Variants in ITPR2 observed in about 807,000 individuals in gnomAD.
ITPR2 encodes the protein inositol 1,4,5-trisphosphate receptor type 2.
ITPR2 carries 207 observed loss-of-function variants against 317.1 expected under a neutral mutation model. The observed-to-expected ratio is 0.65, with a 90% CI of 0.58 to 0.73. The LOEUF (loss-of-function observed/expected upper bound fraction) is 0.73, where lower values mean the gene tolerates loss of function less well. ITPR2 is among the 30% of genes least tolerant of loss of function. The probability of loss-of-function intolerance (pLI) is 0.00; values close to 1 mark genes in which losing one functional copy is unlikely to be tolerated. For missense variants in ITPR2, 2,613 were observed against 3,284.0 expected, an observed-to-expected ratio of 0.80 and a Z score of 4.99; for synonymous variants, 1,156 against 1,149.1, an observed-to-expected ratio of 1.01 and a Z score of -0.12.
Position 26,415,197 on chromosome 12 carries a change from A to C in ITPR2, c.7306+106T>G. Reference sequence around the variant, plus strand: ...AACAAAACATATTCTCAAAGGAATAAAAGAAAACATTTCCTCTATTCGTGT... The same window carrying C: ...AACAAAACATATTCTCAAAGGAATACAAGAAAACATTTCCTCTATTCGTGT... On this transcript the variant is annotated intron_variant, in intron 51 of 56. Coordinates refer to ENST00000381340, the MANE Select transcript of ITPR2 (RefSeq NM_002223.4). 4.0e-6 allele frequency: 3 copies of C among 748,222 alleles called. No individual in the cohort carries two copies. In the Admixed American group the frequency reaches 8.5e-5, roughly 21 times the overall value. 46.3% of individuals were successfully genotyped at this position (748,222 alleles called of 1,614,324 possible). A position where few individuals can be genotyped will look rare whatever the true frequency, so the allele number is the denominator to read the frequency against.
rs193145513 is a variant in ITPR2 at position 26,398,949 on chromosome 12, G to T, written c.7623C>A (p.Ile2541=). The change falls in exon 54 of 57, where the codon ATC becomes ATA. Residue 2541 remains isoleucine, a synonymous_variant. Transcript: ENST00000381340. ...CGCTTCTGAGATCAGCAAAAGTATC[G>T]ATGATAACACCAAAAATCAAGTTCA... ...IVLNLIFGVI[I]DTFADLRSEK... 1 of 1,610,166 alleles carries T rather than the reference G, an allele frequency of 6.2e-7. No homozygotes were observed. Among genetic ancestry groups the T allele is most frequent in the East Asian group, 2.2e-5 (1 of 44,728 alleles).
At chr12:26,693,542 A>T (rs144825698) in intron 10 of ITPR2, among the ~76,000 whole-genome samples, 1 of 152,222 alleles carries the variant, frequency 6.6e-6, no homozygotes, top group East Asian at 1.9e-4. Flanking sequence ...ATCCTCCTAT[A>T]TACTTTAAAT....
intron 1 of ITPR2, among the ~76,000 whole-genome samples, chr12:26,826,585 T>G (rs1429554360): frequency 6.6e-6 from 1 of 152,294 alleles, no homozygotes; most frequent in East Asian, 1.9e-4. Flanking sequence ...TCACTCTGAC[T>G]AAGAGACTAT....
intron 37 of ITPR2, among the ~76,000 whole-genome samples, chr12:26,510,925 C>G (rs781299904): frequency 6.6e-6 from 1 of 152,098 alleles, no homozygotes; most frequent in African/African-American, 2.4e-5. Context: ...GTTCACTAGA[C>G]GTGTTGGGGG....
At chr12:26,526,655 A>AAG (rs1943815578) in intron 37 of ITPR2, among the ~76,000 whole-genome samples, 1 of 152,216 alleles carries the variant, frequency 6.6e-6, no homozygotes, top group Non-Finnish European at 1.5e-5. Flanking sequence ...GAGGTTACAA[A>AAG]TACTGAAAGC....
rs981394804 is a variant in ITPR2, at chr12:26,831,008, G to A, written c.92+1682C>T. Reference sequence around the variant, plus strand: ...GGTCATAAGGTTTACAAGTGGAAGCGCCAGAATTCAAACCCCAAGTATTCT... The same window carrying A: ...GGTCATAAGGTTTACAAGTGGAAGCACCAGAATTCAAACCCCAAGTATTCT... On this transcript the variant is annotated intron_variant, in intron 1 of 56. Coordinates refer to ENST00000381340, the MANE Select transcript of ITPR2 (RefSeq NM_002223.4). This position sits in a 1 kb window ranked among gnomAD's most constrained non-coding sequence, Gnocchi z 4.9. 3.3e-5 allele frequency among the ~76,000 whole-genome samples: 5 copies of A among 152,184 alleles called. No homozygotes were observed. The highest frequency in any genetic ancestry group is 9.7e-5 in the African/African-American group (4 of 41,442).
At chr12:26,381,300 A>G (rs1340337737) in intron 55 of ITPR2, among the ~76,000 whole-genome samples, 3 of 152,236 alleles carry the variant, frequency 2.0e-5, no homozygotes, top group Non-Finnish European at 4.4e-5. Flanking sequence ...ATCTTGGTAT[A>G]TCTTTCTGTA....
intron 1 of ITPR2, among the ~76,000 whole-genome samples, chr12:26,807,362 T>C (rs896986197): frequency 1.3e-5 from 2 of 152,198 alleles, no homozygotes; most frequent in Admixed American, 1.3e-4. Flanking sequence ...ACAATACCCA[T>C]ACATTGCAAA....
At chr12:26,513,331 T>C (rs1943405657) in intron 37 of ITPR2, among the ~76,000 whole-genome samples, 1 of 152,206 alleles carries the variant, frequency 6.6e-6, no homozygotes, top group Non-Finnish European at 1.5e-5. Context: ...GCTTTTGCCA[T>C]GATACTAACA....
chr12:26,496,151 C>T (rs964303565), intron 37 of ITPR2, among the ~76,000 whole-genome samples: 6 of 152,092 alleles, frequency 3.9e-5, no homozygotes, highest in African/African-American at 1.4e-4. Context: ...CTTGTTTAAA[C>T]TATTTAAATT....
At chr12:26,584,227 G>A (rs1207294180) in intron 32 of ITPR2, among the ~76,000 whole-genome samples, 2 of 152,114 alleles carry the variant, frequency 1.3e-5, no homozygotes, top group Admixed American at 1.3e-4. Flanking sequence ...TATTTAAACA[G>A]CTTGGTGGTA....
chr12:26,526,009 T>G (rs146013900), intron 37 of ITPR2, among the ~76,000 whole-genome samples: 1 of 152,208 alleles, frequency 6.6e-6, no homozygotes. Context: ...TACAATACTA[T>G]GCACACTTTA....
intron 55 of ITPR2, among the ~76,000 whole-genome samples, chr12:26,376,723 C>A (rs1939358201): frequency 6.9e-6 from 1 of 144,134 alleles, no homozygotes; most frequent in African/African-American, 2.5e-5. Context: ...TCTTTCTTTC[C>A]TTTCTTTCTC....
At position 26,548,579 on chromosome 12, in the gene ITPR2, A is replaced by G. The variant is rs1420925612; in HGVS notation, c.5073+1668T>C. ...AATCACCATTTAATAGTTTGCTGAC[A>G]ACATATGTGTTGGGTGACTGAATGA... On this transcript the variant is annotated intron_variant, in intron 37 of 56. Coordinates refer to ENST00000381340, the MANE Select transcript of ITPR2 (RefSeq NM_002223.4). Among the ~76,000 whole-genome samples the G allele has an allele frequency of 2.0e-5, 3 of 152,210 alleles. No individual in the cohort carries two copies. In the East Asian group the frequency reaches 5.8e-4, roughly 29 times the overall value.
chr12:26,571,269 T>C (rs1448573072), intron 34 of ITPR2, among the ~76,000 whole-genome samples: 7 of 152,156 alleles, frequency 4.6e-5, no homozygotes, highest in Non-Finnish European at 1.0e-4. Flanking sequence ...ACTTCTGAAG[T>C]TTTATCAGAA....
chr12:26,725,766 C>G lies in ITPR2; in HGVS notation c.164-1G>C. 1 of 1,593,624 alleles carries G rather than the reference C, an allele frequency of 6.3e-7. No individual in the cohort carries two copies. The highest frequency in any genetic ancestry group is 8.6e-7 in the Non-Finnish European group (1 of 1,161,862). On this transcript the variant is annotated splice_acceptor_variant, in intron 2 of 56. Transcript: ENST00000381340. LOFTEE classifies it high-confidence loss of function. ...ATAGGGCACACCTTGAAAAGGCAGT[C>G]TGTGACAAACCAACATACAAAAACA...
At chr12:26,599,681 T>C (rs573540214) in intron 29 of ITPR2, among the ~76,000 whole-genome samples, 5 of 152,192 alleles carry the variant, frequency 3.3e-5, no homozygotes, top group Middle Eastern at 3.4e-3. Flanking sequence ...CACCTCTGAG[T>C]TTTCCATATT....
At position 26,727,665 on chromosome 12, in the gene ITPR2, C is replaced by T. The variant is rs182216484; in HGVS notation, c.164-1900G>A. Among the ~76,000 whole-genome samples the T allele has an allele frequency of 2.0e-5, 3 of 152,242 alleles. No individual in the cohort carries two copies. The East Asian group carries it at 5.8e-4, about 29-fold the overall frequency. ...TCAGCCAAACTGTGTTTACTGTAAT[C>T]CCCCTACAGGGGGTCATGCCCTGCA... On this transcript the variant is annotated intron_variant, in intron 2 of 56. Coordinates refer to ENST00000381340, the MANE Select transcript of ITPR2 (RefSeq NM_002223.4).
At chr12:26,666,162 A>ATAGATAGATAGATAGATAGATAGATT (rs34107444) in intron 13 of ITPR2, 111 bp from the exon 14 acceptor site, 71 of 400,454 alleles carry the variant, frequency 1.8e-4, no homozygotes, top group African/African-American at 1.2e-3. Flanking sequence ...AGATAGATAG[A>ATAGATAGATAGATAGATAGATAGATT]TTTTTTTTTA....
Sources: allele counts gnomAD v4.1 joint callset (sites outside exome capture counted in the v4.1 genomes callset), GRCh38; gene constraint gnomAD v4.1.1; non-coding constraint Gnocchi (gnomAD v3.1); transcripts MANE v1.5; gene names NCBI Gene and HGNC (gene_info 2026-07-23, HGNC 2026-07-21).